Variants in NPRL3 observed in about 807,000 individuals in gnomAD.
NPRL3 encodes NPR3 like, GATOR1 complex subunit.
NPRL3 carries 23 observed loss-of-function variants against 57.2 expected under a neutral mutation model. The observed-to-expected ratio is 0.40, with a 90% CI of 0.29 to 0.57. NPRL3 has a LOEUF of 0.57. Ranked by LOEUF, NPRL3 falls within the 20% of genes least tolerant of loss-of-function variation. NPRL3 has a pLI of 0.42. For synonymous variants in NPRL3, 333 were observed against 321.1 expected, an observed-to-expected ratio of 1.04 and a Z score of -0.39; for missense variants, 691 against 767.1, an observed-to-expected ratio of 0.90 and a Z score of 1.17.
At chr16:129,710 G>A (rs1269320127) in intron 3 of NPRL3, among the ~76,000 whole-genome samples, 1 of 152,188 alleles carries the variant, frequency 6.6e-6, no homozygotes, top group African/African-American at 2.4e-5. Flanking sequence ...CAGGTGTGGT[G>A]CTGCCTTGTC....
intron 12 of NPRL3, 101 bp downstream of exon 12, chr16:89,612 G>A: frequency 8.9e-7 from 1 of 1,129,870 alleles, no homozygotes. Flanking sequence ...GCAGCTGTGT[G>A]GAGGCCCCTC....
intron 7 of NPRL3, among the ~76,000 whole-genome samples, chr16:107,935 C>T (rs557692385): frequency 7.7e-4 from 118 of 152,286 alleles, no homozygotes; most frequent in Non-Finnish European, 1.3e-3. Context: ...GACTGGATAC[C>T]AGGCAATTCA....
At chr16:89,581 G>A (rs1046772274) in intron 12 of NPRL3, 132 bp downstream of exon 12, 57 of 832,354 alleles carry the variant, frequency 6.8e-5, no homozygotes, top group Middle Eastern at 3.6e-4. Context: ...CGGGGGACAC[G>A]AGGCACGTGC....
intron 12 of NPRL3, 73 bp from the exon 13 acceptor site, chr16:88,963 G>A: frequency 2.1e-6 from 3 of 1,402,904 alleles, no homozygotes; most frequent in South Asian, 2.5e-5. Context: ...GGCAGAGCCA[G>A]CAGCCAGCCT....
chr16:133,639 G>A (rs1900918690), intron 2 of NPRL3, among the ~76,000 whole-genome samples: 1 of 152,208 alleles, frequency 6.6e-6, no homozygotes, highest in African/African-American at 2.4e-5. Context: ...CCAGGTAGCT[G>A]GGAGTACAGG....
intron 5 of NPRL3, among the ~76,000 whole-genome samples, chr16:114,109 G>A (rs1169411479): frequency 6.6e-6 from 1 of 152,094 alleles, no homozygotes; most frequent in Non-Finnish European, 1.5e-5. Context: ...ATACTTCCAC[G>A]AGCAAAGCAA....
At chr16:122,941 A>G (rs765111879) in intron 3 of NPRL3, among the ~76,000 whole-genome samples, 8 of 152,188 alleles carry the variant, frequency 5.3e-5, no homozygotes, top group African/African-American at 9.7e-5. Context: ...TGTCAAGGGG[A>G]ATGGAAGAGT....
chr16:116,062 T>G (rs1193245847), intron 5 of NPRL3, among the ~76,000 whole-genome samples: 1 of 152,190 alleles, frequency 6.6e-6, no homozygotes, highest in Non-Finnish European at 1.5e-5. Context: ...GACTGCTAGA[T>G]CTAAGGGCAT....
At chr16:104,803 A>C (rs1186695091) in intron 7 of NPRL3, among the ~76,000 whole-genome samples, 2 of 152,164 alleles carry the variant, frequency 1.3e-5, no homozygotes, top group Non-Finnish European at 2.9e-5. Context: ...AAATTCCCTG[A>C]ACATGTCAGA....
chr16:121,421 G>A lies in NPRL3; in HGVS notation c.189-2166C>T, dbSNP rs995797588. ...GTGGATCACCCGAGGTCAGGAGTTC[G>A]AGACCAGCATGGCCAACATAATGAA... On this transcript the variant is annotated intron_variant, in intron 3 of 13. Transcript: ENST00000611875. Among the ~76,000 whole-genome samples the A allele has an allele frequency of 3.9e-5, 6 of 152,064 alleles. No homozygotes were observed. The East Asian group carries it at 5.8e-4, about 15-fold the overall frequency.
intron 2 of NPRL3, among the ~76,000 whole-genome samples, chr16:135,007 C>G (rs972904468): frequency 2.0e-5 from 3 of 152,016 alleles, no homozygotes; most frequent in Non-Finnish European, 4.4e-5. Context: ...GGCCAAGTCA[C>G]AGTAATTATT....
At chr16:110,965 C>T (rs1012807986) in intron 6 of NPRL3, among the ~76,000 whole-genome samples, 9 of 152,002 alleles carry the variant, frequency 5.9e-5, no homozygotes, top group African/African-American at 2.2e-4. Flanking sequence ...TATACATAGA[C>T]TTAAAATAAA....
intron 11 of NPRL3, chr16:90,159 C>T: frequency 4.3e-6 from 2 of 463,408 alleles, no homozygotes; most frequent in African/African-American, 2.1e-5. Context: ...ACCGGGGCCA[C>T]CCAGCATCTG....
rs368247225 is a variant in NPRL3 at position 119,276 on chromosome 16, G to A, written c.189-21C>T. On this transcript the variant is annotated intron_variant, in intron 3 of 13. Transcript: ENST00000611875. Reference sequence around the variant, plus strand: ...AAAACCTTAAAATTTAAGAGAGGTAGAATAAAAATAAGTTAACAAAATACC... The same window carrying A: ...AAAACCTTAAAATTTAAGAGAGGTAAAATAAAAATAAGTTAACAAAATACC... 77 of 1,587,840 alleles carry A rather than the reference G, an allele frequency of 4.8e-5. No individual in the cohort carries two copies. The African/African-American group carries it at 6.9e-4, about 14-fold the overall frequency.
intron 2 of NPRL3, among the ~76,000 whole-genome samples, chr16:131,262 G>A (rs1050798949): frequency 5.3e-5 from 8 of 152,058 alleles, no homozygotes; most frequent in African/African-American, 1.9e-4. Context: ...GGTGGATCAC[G>A]AAATCAGGAG....
chr16:120,458 C>CA (rs1900234892), intron 3 of NPRL3, among the ~76,000 whole-genome samples: 1 of 152,200 alleles, frequency 6.6e-6, no homozygotes, highest in African/African-American at 2.4e-5. Flanking sequence ...CACTGTAGCT[C>CA]AGCTCTGTAA....
intron 11 of NPRL3, chr16:91,097 G>A (rs1567130248): frequency 6.6e-6 from 1 of 151,822 alleles, no homozygotes; most frequent in African/African-American, 2.4e-5. Flanking sequence ...TAAAAAAAAA[G>A]CTGGGCGTAG....
intron 7 of NPRL3, among the ~76,000 whole-genome samples, chr16:101,233 G>A (rs146410635): frequency 8.5e-5 from 13 of 152,232 alleles, no homozygotes; most frequent in South Asian, 2.1e-4. Context: ...ACAGGTGCAC[G>A]TCCAGGCAGA....
intron 13 of NPRL3, 101 bp from the exon 14 acceptor site, chr16:86,971 C>G (rs1406448261): frequency 8.2e-7 from 1 of 1,217,084 alleles, no homozygotes; most frequent in Non-Finnish European, 1.1e-6. Context: ...GCCCACAGGC[C>G]TGAACAGAGC....
Sources: gnomAD v4.1 joint callset for allele counts (sites outside exome capture counted in the v4.1 genomes callset) on GRCh38, gnomAD v4.1.1 for gene constraint, MANE v1.5 for transcripts, NCBI Gene and HGNC (gene_info 2026-07-23, HGNC 2026-07-21) for gene names.